TSNARE1: variants seen among roughly 807,000 people sequenced by gnomAD.
TSNARE1 encodes t-SNARE domain containing 1, also known as t-SNARE domain-containing protein 1.
A neutral mutation model predicts 62.0 loss-of-function variants in TSNARE1; 49 were observed. The ratio of observed to expected loss-of-function variants is 0.79; its 90% CI spans 0.63 to 1.00. The LOEUF (loss-of-function observed/expected upper bound fraction) is 1.00, where lower values mean the gene tolerates loss of function less well. Ranked by LOEUF, TSNARE1 falls within the 50% of genes least tolerant of loss-of-function variation. The pLI is 0.00. For missense variants in TSNARE1, 755 were observed against 700.1 expected (o/e 1.08, Z -0.88); for synonymous variants, 328 against 294.4 (o/e 1.11, Z -1.17).
At chr8:142,274,710 C>CGGA in intron 12 of TSNARE1, 71 bp downstream of exon 12, 1 of 1,417,282 alleles carries the variant, frequency 7.1e-7, no homozygotes, top group Non-Finnish European at 9.2e-7. Context: ...TCCAGACAGA[C>CGGA]GGAGGGAGGG....
chr8:142,382,426 C>G (rs531594152), intron 1 of TSNARE1, among the ~76,000 whole-genome samples: 1 of 152,326 alleles, frequency 6.6e-6, no homozygotes, highest in South Asian at 2.1e-4. Context: ...GCCCACTGAC[C>G]AGCTGCCGGC....
chr8:142,241,063 G>T (rs1365581288), intron 12 of TSNARE1, among the ~76,000 whole-genome samples: 1 of 152,200 alleles, frequency 6.6e-6, no homozygotes, highest in Non-Finnish European at 1.5e-5. Flanking sequence ...AAATTGGAAA[G>T]GAAGAAGTTA....
intron 11 of TSNARE1, among the ~76,000 whole-genome samples, chr8:142,282,357 G>T (rs1333774269): frequency 5.3e-5 from 8 of 152,254 alleles, no homozygotes; most frequent in Admixed American, 2.0e-4. Context: ...GTGGAGGCTA[G>T]TATCTGTCAA....
At chr8:142,258,791 G>A (rs1818719018) in intron 12 of TSNARE1, among the ~76,000 whole-genome samples, 1 of 152,142 alleles carries the variant, frequency 6.6e-6, no homozygotes, top group Admixed American at 6.6e-5. Flanking sequence ...CAAAGTGCTG[G>A]GATTACAAGC....
chr8:142,275,602 TC>T (rs1392880605), intron 11 of TSNARE1: 1 of 985,038 alleles, frequency 1.0e-6, no homozygotes, highest in African/African-American at 1.8e-5. Context: ...GCCGGGGTCC[TC>T]AACAGAGCCA....
At chr8:142,375,884 T>C (rs1055641007) in intron 1 of TSNARE1, among the ~76,000 whole-genome samples, 19 of 152,008 alleles carry the variant, frequency 1.2e-4, no homozygotes, top group Non-Finnish European at 5.9e-5. Context: ...CTGATAGAGA[T>C]GTGTGGACGC....
intron 12 of TSNARE1, among the ~76,000 whole-genome samples, chr8:142,250,415 G>A (rs570376642): frequency 3.3e-5 from 5 of 152,158 alleles, no homozygotes; most frequent in East Asian, 1.9e-4. Context: ...GCATAATCCC[G>A]GATCCCTTTC....
At chr8:142,312,167 G>A (rs76135048) in intron 9 of TSNARE1, among the ~76,000 whole-genome samples, 2,643 of 152,256 alleles carry the variant, frequency 0.017, 77 homozygotes, top group African/African-American at 0.061. Context: ...TCCTTTGTGC[G>A]TCAGGTTGGC....
chr8:142,354,828 G>T, intron 1 of TSNARE1, 65 bp from the exon 2 acceptor site: 5 of 927,400 alleles, frequency 5.4e-6, no homozygotes, highest in Non-Finnish European at 8.5e-6. Flanking sequence ...TCCAATTCAG[G>T]GTGCACAGGG....
intron 12 of TSNARE1, among the ~76,000 whole-genome samples, chr8:142,266,809 G>A (rs1360865113): frequency 2.0e-5 from 3 of 152,116 alleles, no homozygotes; most frequent in Non-Finnish European, 4.4e-5. Context: ...GGGACTCCAA[G>A]ACGACATATG....
chr8:142,271,117 C>A, intron 12 of TSNARE1: 1 of 986,292 alleles, frequency 1.0e-6, no homozygotes, highest in Non-Finnish European at 1.2e-6. Context: ...TCAAGATCAT[C>A]CCTGAGAAGA....
intron 4 of TSNARE1, among the ~76,000 whole-genome samples, chr8:142,336,264 G>A (rs1196138710): frequency 1.7e-5 from 2 of 114,422 alleles, no homozygotes; most frequent in Non-Finnish European, 3.3e-5. Context: ...ATGGACAACA[G>A]AGCAAGAGAC....
chr8:142,342,726 T>C (rs1346761091), intron 4 of TSNARE1, among the ~76,000 whole-genome samples: 1 of 143,812 alleles, frequency 7.0e-6, no homozygotes, highest in Non-Finnish European at 1.5e-5. Context: ...ACGCCATGCC[T>C]ACGCCCTGCA....
chr8:142,387,979 T>C (rs185473405), intron 1 of TSNARE1, among the ~76,000 whole-genome samples: 3 of 152,242 alleles, frequency 2.0e-5, no homozygotes, highest in African/African-American at 4.8e-5. Flanking sequence ...CCAACCTTAA[T>C]TATGAAGAGC....
chr8:142,353,589 C>T (rs1251137107), intron 2 of TSNARE1, among the ~76,000 whole-genome samples: 1 of 152,230 alleles, frequency 6.6e-6, no homozygotes, highest in Non-Finnish European at 1.5e-5. Context: ...CAGCCGCCCT[C>T]TCGAGCACAT....
chr8:142,267,420 G>A (rs1003252371), intron 12 of TSNARE1, among the ~76,000 whole-genome samples: 2 of 152,204 alleles, frequency 1.3e-5, no homozygotes, highest in Non-Finnish European at 2.9e-5. Flanking sequence ...CCAGATGGAT[G>A]AGGCACCTGA....
intron 1 of TSNARE1, among the ~76,000 whole-genome samples, chr8:142,376,442 T>C (rs1836348871): frequency 6.6e-6 from 1 of 151,938 alleles, no homozygotes; most frequent in Non-Finnish European, 1.5e-5. Flanking sequence ...CCCTCATCAG[T>C]GGGATGAGTG....
chr8:142,227,211 C>T (rs1404593017), intron 13 of TSNARE1, among the ~76,000 whole-genome samples: 1 of 150,336 alleles, frequency 6.7e-6, no homozygotes, highest in Non-Finnish European at 1.5e-5. Flanking sequence ...ACTGCATCCA[C>T]AACCCTAGTG....
At chr8:142,320,584 G>C (rs1045631246) in intron 6 of TSNARE1, among the ~76,000 whole-genome samples, 1 of 151,876 alleles carries the variant, frequency 6.6e-6, no homozygotes, top group Non-Finnish European at 1.5e-5. Flanking sequence ...CACCACCCCT[G>C]GGTTCACTTC....
Sources: gnomAD v4.1 joint callset for allele counts (sites outside exome capture counted in the v4.1 genomes callset) on GRCh38, gnomAD v4.1.1 for gene constraint, MANE v1.5 for transcripts, NCBI Gene and HGNC (gene_info 2026-07-23, HGNC 2026-07-21) for gene names.